PHLDB2: variants seen among roughly 807,000 people sequenced by gnomAD.
PHLDB2 encodes the protein pleckstrin homology like domain family B member 2, also known as pleckstrin homology-like domain family B member 2.
PHLDB2 carries 71 observed loss-of-function variants against 123.6 expected under a neutral mutation model. The ratio of observed to expected loss-of-function variants is 0.57; its 90% CI spans 0.47 to 0.70. PHLDB2 has a LOEUF of 0.70. PHLDB2 is among the 30% of genes least tolerant of loss of function. The probability of loss-of-function intolerance (pLI) is 0.00; values close to 1 mark genes in which losing one functional copy is unlikely to be tolerated. For synonymous variants in PHLDB2, 547 were observed against 541.6 expected, an observed-to-expected ratio of 1.01 and a Z score of -0.14; for missense variants, 1,446 against 1,519.5, an observed-to-expected ratio of 0.95 and a Z score of 0.80.
intron 1 of PHLDB2, among the ~76,000 whole-genome samples, chr3:111,862,952 G>C (rs1191040623): frequency 6.6e-6 from 1 of 152,134 alleles, no homozygotes. Context: ...CAAAGTTCTA[G>C]GTACAACCCA....
intron 1 of PHLDB2, among the ~76,000 whole-genome samples, chr3:111,874,305 T>G (rs897126127): frequency 6.6e-6 from 1 of 152,222 alleles, no homozygotes; most frequent in Non-Finnish European, 1.5e-5. Flanking sequence ...TAGGCATGCA[T>G]AGCAATTATT....
intron 10 of PHLDB2, among the ~76,000 whole-genome samples, chr3:111,950,280 A>G (rs1044025832): frequency 4.6e-5 from 7 of 152,244 alleles, no homozygotes; most frequent in Admixed American, 6.5e-5. Flanking sequence ...AAACCATAAT[A>G]GACATCATTC....
Position 111,782,423 on chromosome 3 carries a change from C to T in PHLDB2, c.-49+49720C>T, listed in dbSNP as rs983139944. Among the ~76,000 whole-genome samples the T allele has an allele frequency of 2.4e-4, 36 of 152,224 alleles. 1 individual carries two copies. The highest frequency in any genetic ancestry group is 8.7e-4 in the African/African-American group (36 of 41,560). On this transcript the variant is annotated intron_variant, in intron 1 of 17. Transcript: ENST00000393923. ...ATGCTCTGGCCTACCATGAGCCCCT[C>T]AAAATTACCACTCTTTGAGCTCAAA...
At chr3:111,970,859 G>A (rs1485458250) in intron 16 of PHLDB2, among the ~76,000 whole-genome samples, 1 of 152,160 alleles carries the variant, frequency 6.6e-6, no homozygotes, top group Non-Finnish European at 1.5e-5. Flanking sequence ...ATAAATAACA[G>A]TCTAGTCATT....
At chr3:111,899,317 A>G (rs2067054482) in intron 2 of PHLDB2, among the ~76,000 whole-genome samples, 1 of 152,176 alleles carries the variant, frequency 6.6e-6, no homozygotes, top group Non-Finnish European at 1.5e-5. Context: ...TAATGTGCAG[A>G]ATTATTACAT....
At chr3:111,895,710 G>T (rs571198753) in intron 2 of PHLDB2, among the ~76,000 whole-genome samples, 1 of 152,076 alleles carries the variant, frequency 6.6e-6, no homozygotes, top group African/African-American at 2.4e-5. Flanking sequence ...TTAGCCAGGC[G>T]TGGTGGCACA....
At chr3:111,827,288 C>G (rs546720115) in intron 1 of PHLDB2, among the ~76,000 whole-genome samples, 3 of 152,286 alleles carry the variant, frequency 2.0e-5, no homozygotes, top group African/African-American at 7.2e-5. Flanking sequence ...TTAAGGAGAG[C>G]CTTTCAGAAC....
At chr3:111,905,671 A>G (rs938463302) in intron 2 of PHLDB2, among the ~76,000 whole-genome samples, 1 of 152,110 alleles carries the variant, frequency 6.6e-6, no homozygotes, top group African/African-American at 2.4e-5. Context: ...AGTCTGAGCT[A>G]CCTTTGGGAG....
intron 1 of PHLDB2, among the ~76,000 whole-genome samples, chr3:111,805,270 A>T (rs2061528827): frequency 6.6e-6 from 1 of 152,212 alleles, no homozygotes; most frequent in Non-Finnish European, 1.5e-5. Flanking sequence ...CAATAAAAAA[A>T]ATTACTGGGG....
chr3:111,892,560 G>T (rs1240929337), intron 2 of PHLDB2, among the ~76,000 whole-genome samples: 2 of 152,112 alleles, frequency 1.3e-5, no homozygotes, highest in African/African-American at 2.4e-5. Flanking sequence ...TTAGTTCTAG[G>T]TAATAGAGAA....
At chr3:111,795,999 C>T (rs1319973095) in intron 1 of PHLDB2, among the ~76,000 whole-genome samples, 2 of 152,136 alleles carry the variant, frequency 1.3e-5, no homozygotes, top group Non-Finnish European at 1.5e-5. Context: ...TGAGTTCAAG[C>T]GACTCTCCTG....
chr3:111,763,908 C>A (rs1430095667), intron 1 of PHLDB2, among the ~76,000 whole-genome samples: 1 of 152,152 alleles, frequency 6.6e-6, no homozygotes, highest in Admixed American at 6.5e-5. Context: ...TCTGTTTTTT[C>A]TAAGCTACCC....
upstream of PHLDB2, among the ~76,000 whole-genome samples, chr3:111,858,806 T>A (rs1246913225): frequency 2.0e-5 from 3 of 152,150 alleles, no homozygotes; most frequent in African/African-American, 7.2e-5. Context: ...ATGTCCTTCA[T>A]CTGCGTAACT....
chr3:111,796,643 T>A (rs2061172579), intron 1 of PHLDB2, among the ~76,000 whole-genome samples: 1 of 152,078 alleles, frequency 6.6e-6, no homozygotes, highest in South Asian at 2.1e-4. Context: ...AAGCGATTTT[T>A]GTGCCTCAGT....
intron 8 of PHLDB2, among the ~76,000 whole-genome samples, chr3:111,941,526 G>T (rs915035546): frequency 6.6e-6 from 1 of 152,178 alleles, no homozygotes; most frequent in African/African-American, 2.4e-5. Context: ...AAAGGGGAAG[G>T]CCTGACACCA....
At chr3:111,952,986 G>A (rs1362440909) in intron 11 of PHLDB2, among the ~76,000 whole-genome samples, 1 of 152,090 alleles carries the variant, frequency 6.6e-6, no homozygotes, top group African/African-American at 2.4e-5. Context: ...TTCCGTGGCT[G>A]CATCCCACAT....
intron 6 of PHLDB2, among the ~76,000 whole-genome samples, chr3:111,933,877 A>T (rs539002297): frequency 6.6e-6 from 1 of 152,184 alleles, no homozygotes; most frequent in African/African-American, 2.4e-5. Flanking sequence ...GCATAGTTGT[A>T]TATTTTGTCC....
In PHLDB2 at chr3:111,932,260, G is replaced by T; in HGVS notation, c.2002-9G>T. 2 of 1,549,864 alleles carry T rather than the reference G, an allele frequency of 1.3e-6. No homozygotes were observed. Among genetic ancestry groups the T allele is most frequent in the South Asian group, 2.4e-5 (2 of 83,792 alleles). On this transcript the variant is annotated splice_polypyrimidine_tract_variant and intron_variant, in intron 5 of 17. Transcript: ENST00000431670. ...ATTTCTATTCTATTTTCTGGTTTCTGAACTTCAGGAGAAGGTAAAGCTTGA... is the reference window on the plus strand; with the variant it reads ...ATTTCTATTCTATTTTCTGGTTTCTTAACTTCAGGAGAAGGTAAAGCTTGA...
Position 111,960,758 on chromosome 3 carries a change from G to A in PHLDB2, c.2873-1350G>A, listed in dbSNP as rs565619273. On this transcript the variant is annotated intron_variant, in intron 12 of 17. Coordinates refer to ENST00000431670, the MANE Select transcript of PHLDB2 (RefSeq NM_001134438.2). Reference sequence around the variant, plus strand: ...CCAGTTGTGAACTCTGAATAGCTCTGGTAATAACTCCCTGGGTAATGGAAA... The same window carrying A: ...CCAGTTGTGAACTCTGAATAGCTCTAGTAATAACTCCCTGGGTAATGGAAA... Among the ~76,000 whole-genome samples, 7 of 152,236 alleles carry A rather than the reference G, an allele frequency of 4.6e-5. No individual in the cohort carries two copies. In the East Asian group the frequency reaches 1.4e-3, roughly 29 times the overall value.
Sources: allele counts gnomAD v4.1 joint callset (sites outside exome capture counted in the v4.1 genomes callset), GRCh38; gene constraint gnomAD v4.1.1; transcripts MANE v1.5; gene names NCBI Gene and HGNC (gene_info 2026-07-23, HGNC 2026-07-21).